ZC3H12B: variants seen among roughly 807,000 people sequenced by gnomAD.
The protein encoded by ZC3H12B is zinc finger CCCH-type containing 12B, also known as probable ribonuclease ZC3H12B.
Under a neutral mutation model 43.9 loss-of-function variants are expected in ZC3H12B, and 7 were observed. That is an observed-to-expected ratio of 0.16 (90% CI 0.09 to 0.30). The LOEUF is 0.30. Ranked by LOEUF, ZC3H12B falls within the 10% of genes least tolerant of loss-of-function variation. ZC3H12B has a pLI of 1.00. For missense variants in ZC3H12B, 475 were observed against 670.2 expected (o/e 0.71, Z 3.22); for synonymous variants, 222 against 241.7 (o/e 0.92, Z 0.76).
intron 3 of ZC3H12B, among the ~76,000 whole-genome samples, chrX:65,407,648 A>T (rs1343869361): frequency 3.5e-5 from 4 of 113,427 alleles, no homozygotes; most frequent in Non-Finnish European, 7.5e-5. Flanking sequence ...GGAGAAGAGC[A>T]AAGAAAAGCA....
chrX:65,111,258 A>T, the ZC3H12B span, among the ~76,000 whole-genome samples: 1 of 111,384 alleles, frequency 9.0e-6, no homozygotes, highest in Non-Finnish European at 1.9e-5. Flanking sequence ...AATGACTAGA[A>T]CTATATCGAT....
the ZC3H12B span, among the ~76,000 whole-genome samples, chrX:65,296,456 C>G: frequency 2.0e-3 from 221 of 110,625 alleles, 1 homozygote; most frequent in Admixed American, 6.2e-3. Flanking sequence ...CACTAAAGAA[C>G]TATTCGTGTA....
the ZC3H12B span, among the ~76,000 whole-genome samples, chrX:65,078,175 G>A: frequency 1.8e-5 from 2 of 112,018 alleles, no homozygotes; most frequent in Non-Finnish European, 3.8e-5. Flanking sequence ...TGGGACTAGG[G>A]CTGGGAATTA....
chrX:65,476,274 G>A (rs1024389388), intron 3 of ZC3H12B, among the ~76,000 whole-genome samples: 31 of 111,084 alleles, frequency 2.8e-4, no homozygotes, highest in Admixed American at 2.1e-3. Context: ...TGTAAGTCAC[G>A]CAGACTTTCT....
chrX:65,279,297 CA>C, the ZC3H12B span, among the ~76,000 whole-genome samples: 7,639 of 91,049 alleles, frequency 0.084, 865 homozygotes, highest in African/African-American at 0.35. Flanking sequence ...ACCTTACCAG[CA>C]TTTTTTTTTT....
the ZC3H12B span, among the ~76,000 whole-genome samples, chrX:65,341,028 C>A: frequency 9.0e-6 from 1 of 111,716 alleles, no homozygotes; most frequent in South Asian, 3.7e-4. Flanking sequence ...CCTGATAGAG[C>A]TAAAAAAACA....
At chrX:65,195,748 A>G in the ZC3H12B span, among the ~76,000 whole-genome samples, 1 of 112,021 alleles carries the variant, frequency 8.9e-6, no homozygotes, top group Non-Finnish European at 1.9e-5. Flanking sequence ...GAATGTGGGA[A>G]GTCTACCTTA....
the ZC3H12B span, among the ~76,000 whole-genome samples, chrX:65,313,191 G>A: frequency 4.5e-5 from 5 of 111,951 alleles, no homozygotes; most frequent in East Asian, 1.4e-3. Flanking sequence ...TGGTTGTTAA[G>A]TTTTTAACAT....
rs776306245 is a variant in ZC3H12B, at chrX:65,469,696, C to T, written n.408-18950C>T. ...TGTCAAGACCAAGGGGCAGGCCAGG[C>T]GCGGAGGCTCACTCCTGTAATCCCA... On this transcript the variant is annotated intron_variant and non_coding_transcript_variant, in intron 3 of 5. Transcript: ENST00000617377. The T allele has an allele frequency of 3.6e-5, 5 of 137,145 alleles. No individual in the cohort carries two copies. The South Asian group carries it at 7.8e-4, about 21-fold the overall frequency. The allele number at this position is 137,145 out of a possible 1,213,427, so 11.3% of individuals were successfully genotyped here.
chrX:65,194,895 A>G, the ZC3H12B span, among the ~76,000 whole-genome samples: 1 of 111,786 alleles, frequency 8.9e-6, no homozygotes, highest in African/African-American at 3.2e-5. Flanking sequence ...TTCTTCCTCA[A>G]CGAATCCTTC....
the ZC3H12B span, among the ~76,000 whole-genome samples, chrX:65,261,762 GA>G: frequency 9.1e-6 from 1 of 110,060 alleles, no homozygotes; most frequent in Non-Finnish European, 1.9e-5. Context: ...TGAGTCAACT[GA>G]AAAAAAATTA....
chrX:65,362,551 G>C (rs986141726), upstream of ZC3H12B, among the ~76,000 whole-genome samples: 3 of 110,105 alleles, frequency 2.7e-5, no homozygotes, highest in Non-Finnish European at 5.7e-5. Context: ...CCAGTTCAAA[G>C]CCTCCTTCAC....
At chrX:65,192,868 G>C in the ZC3H12B span, among the ~76,000 whole-genome samples, 2 of 111,162 alleles carry the variant, frequency 1.8e-5, no homozygotes, top group Non-Finnish European at 3.8e-5. Context: ...ATCTCGACTA[G>C]TTTCAAGCGA....
At chrX:65,358,640 A>T in the ZC3H12B span, among the ~76,000 whole-genome samples, 1 of 111,647 alleles carries the variant, frequency 9.0e-6, no homozygotes, top group Non-Finnish European at 1.9e-5. Context: ...ACCAACGAGA[A>T]CAAGGAAAAA....
At chrX:65,041,928 T>A in the ZC3H12B span, among the ~76,000 whole-genome samples, 2 of 112,106 alleles carry the variant, frequency 1.8e-5, no homozygotes, top group African/African-American at 3.2e-5. Flanking sequence ...GGCTAACTTA[T>A]TAAAGTTACA....
At chrX:65,074,077 G>C in the ZC3H12B span, among the ~76,000 whole-genome samples, 1 of 111,419 alleles carries the variant, frequency 9.0e-6, no homozygotes, top group Admixed American at 9.5e-5. Flanking sequence ...TAGCAGTGGA[G>C]GTTTTATTTT....
chrX:65,349,882 A>T, the ZC3H12B span, among the ~76,000 whole-genome samples: 51 of 112,042 alleles, frequency 4.6e-4, no homozygotes, highest in African/African-American at 1.4e-3. Context: ...ACCAAAAAAA[A>T]GTCCAGGAAC....
chrX:65,468,318 T>C (rs1293611461), intron 3 of ZC3H12B, among the ~76,000 whole-genome samples: 2 of 111,626 alleles, frequency 1.8e-5, no homozygotes, highest in Non-Finnish European at 3.8e-5. Flanking sequence ...TCTATGTATC[T>C]ACTTTTATAC....
At chrX:65,150,619 G>A in the ZC3H12B span, among the ~76,000 whole-genome samples, 1 of 111,157 alleles carries the variant, frequency 9.0e-6, no homozygotes, top group Non-Finnish European at 1.9e-5. Context: ...TTAGTTTGTT[G>A]AAGATGATGA....
Sources: allele counts gnomAD v4.1 joint callset (sites outside exome capture counted in the v4.1 genomes callset), GRCh38; gene constraint gnomAD v4.1.1; transcripts MANE v1.5; gene names NCBI Gene and HGNC (gene_info 2026-07-23, HGNC 2026-07-21).